MEIS2: variants seen among roughly 807,000 people sequenced by gnomAD.
MEIS2 encodes homeobox protein Meis2.
Under a neutral mutation model 58.6 loss-of-function variants are expected in MEIS2, and 9 were observed. The observed-to-expected ratio is 0.15, with a 90% confidence interval of 0.09 to 0.27. The LOEUF (loss-of-function observed/expected upper bound fraction) is 0.27, where lower values mean the gene tolerates loss of function less well. Among genes scored for constraint, MEIS2 ranks in the 10% least tolerant of loss-of-function variants. The pLI, the probability that MEIS2 is intolerant of heterozygous loss-of-function variation, is 1.00. For missense variants in MEIS2, 427 were observed against 635.0 expected, an observed-to-expected ratio of 0.67 and a Z score of 3.52; for synonymous variants, 221 against 228.4, an observed-to-expected ratio of 0.97 and a Z score of 0.29.
At chr15:37,062,714 A>G (rs1393938144) in intron 7 of MEIS2, among the ~76,000 whole-genome samples, 1 of 152,212 alleles carries the variant, frequency 6.6e-6, no homozygotes, top group African/African-American at 2.4e-5. Context: ...AAATTTACAT[A>G]TAAGGACCCC....
intron 9 of MEIS2, among the ~76,000 whole-genome samples, chr15:36,909,732 T>C (rs954676223): frequency 1.3e-4 from 19 of 151,814 alleles, no homozygotes; most frequent in Admixed American, 3.3e-4. Flanking sequence ...CTGGCTTTTC[T>C]AGGCTGGCAG....
chr15:36,974,698 G>A (rs911427918), intron 8 of MEIS2, among the ~76,000 whole-genome samples: 6 of 152,102 alleles, frequency 3.9e-5, no homozygotes, highest in African/African-American at 1.2e-4. Flanking sequence ...ATGGCATGAG[G>A]AACCAGCCAG....
At chr15:37,041,675 G>C (rs1296908336) in intron 7 of MEIS2, among the ~76,000 whole-genome samples, 1 of 152,130 alleles carries the variant, frequency 6.6e-6, no homozygotes, top group Non-Finnish European at 1.5e-5. Context: ...AATCAAGGAA[G>C]GACGTCGGCA....
Position 36,894,436 on chromosome 15 carries a change from C to T in MEIS2, c.1147+715G>A, listed in dbSNP as rs148811357. The T allele has an allele frequency of 3.3e-3, 689 of 209,894 alleles. 3 individuals carry two copies. Among genetic ancestry groups the T allele is most frequent in the African/African-American group, 0.015 (654 of 43,132 alleles). The allele number at this position is 209,894 out of a possible 1,614,324, so 13.0% of individuals were successfully genotyped here. On this transcript the variant is annotated intron_variant, in intron 11 of 11. Transcript: ENST00000561208. ...TTTATTCTTAAATGTCCAATATCTGCCTGATGTCTGTGTTTGTGCACATTG... is the reference window on the plus strand; with the variant it reads ...TTTATTCTTAAATGTCCAATATCTGTCTGATGTCTGTGTTTGTGCACATTG...
At chr15:36,931,154 T>G (rs996121491) in intron 9 of MEIS2, among the ~76,000 whole-genome samples, 2 of 152,158 alleles carry the variant, frequency 1.3e-5, no homozygotes, top group Non-Finnish European at 2.9e-5. Context: ...TTAAAGTAAT[T>G]GTCGTGAAGG....
chr15:36,955,413 C>G (rs2058923194), intron 8 of MEIS2, among the ~76,000 whole-genome samples: 1 of 152,070 alleles, frequency 6.6e-6, no homozygotes, highest in Non-Finnish European at 1.5e-5. Context: ...TTGTATTTCT[C>G]CCCCATTCTT....
rs1171682449 is a variant in MEIS2 at position 36,890,502 on chromosome 15, TTAAG to T, written c.*1667_*1670del. ...AATATAATTTATAAAATATTAATGA[TTAAG>T]TAATCTTTTAAAGTCAGAATTTCAA... On this transcript the variant is annotated 3_prime_UTR_variant, in exon 12 of 12. Coordinates refer to ENST00000561208, the MANE Select transcript of MEIS2 (RefSeq NM_170675.5). 6.6e-5 allele frequency: 10 copies of T among 152,286 alleles called. No individual in the cohort carries two copies. The highest frequency in any genetic ancestry group is 5.8e-4 in the East Asian group (3 of 5,184). The allele number at this position is 152,286 out of a possible 1,614,324, so 9.4% of individuals were successfully genotyped here.
At chr15:37,018,349 C>T (rs906683503) in intron 8 of MEIS2, among the ~76,000 whole-genome samples, 3 of 152,170 alleles carry the variant, frequency 2.0e-5, no homozygotes, top group African/African-American at 4.8e-5. Flanking sequence ...TAGGACCTTG[C>T]GCATGTGCTT....
In MEIS2 at chr15:36,997,736, C is replaced by A. The variant is rs549524087; in HGVS notation, c.900+39078G>T. Among the ~76,000 whole-genome samples the A allele has an allele frequency of 5.9e-5, 9 of 152,268 alleles. No individual in the cohort carries two copies. The South Asian group carries it at 1.7e-3, about 28-fold the overall frequency. On this transcript the variant is annotated intron_variant, in intron 8 of 11. Transcript: ENST00000561208. ...GACCTAGTGATCTGTCCGCTTTGGC[C>A]TCCCAAAGAGCTGGGATTACAGGCA...
chr15:37,068,416 T>C (rs1343561253), intron 7 of MEIS2, among the ~76,000 whole-genome samples: 1 of 152,150 alleles, frequency 6.6e-6, no homozygotes, highest in Non-Finnish European at 1.5e-5. Flanking sequence ...AGTGCTAACA[T>C]CCCTAATGAG....
intron 11 of MEIS2, among the ~76,000 whole-genome samples, chr15:36,893,033 T>C (rs2055964197): frequency 6.6e-6 from 1 of 152,192 alleles, no homozygotes; most frequent in Non-Finnish European, 1.5e-5. Flanking sequence ...ATTGTAAAGG[T>C]CAAAGGTAAG....
intron 8 of MEIS2, among the ~76,000 whole-genome samples, chr15:36,971,536 T>TAAAA (rs1567126001): frequency 0.14 from 9,053 of 65,246 alleles, 1,950 homozygotes; most frequent in Admixed American, 0.29. Flanking sequence ...CCTTGTTACA[T>TAAAA]TAAAAAAAAA....
At position 36,922,619 on chromosome 15, in the gene MEIS2, CTTTTTTT is replaced by C. The variant is rs59227539; in HGVS notation, c.978-25940_978-25934del. 8.7e-3 allele frequency among the ~76,000 whole-genome samples: 1,105 copies of C among 126,890 alleles called. 12 individuals carry two copies. Among genetic ancestry groups the C allele is most frequent in the African/African-American group, 0.031 (1,061 of 34,582 alleles). The allele number at this position is 126,890 out of a possible 152,430, so 83.2% of individuals were successfully genotyped here. A position where few individuals can be genotyped will look rare whatever the true frequency, so the allele number is the denominator to read the frequency against. Reference sequence around the variant, plus strand: ...GAAACCTCAGTAACTTTCTTTCTTTCTTTTTTTTTTTTTTTTTGTGATGGAGTTTTGC... The same window carrying C: ...GAAACCTCAGTAACTTTCTTTCTTTCTTTTTTTTTTGTGATGGAGTTTTGC... On this transcript the variant is annotated intron_variant, in intron 9 of 11. Coordinates refer to ENST00000561208, the MANE Select transcript of MEIS2 (RefSeq NM_170675.5).
At chr15:36,952,601 C>CTT (rs2058792065) in intron 8 of MEIS2, among the ~76,000 whole-genome samples, 1 of 46,402 alleles carries the variant, frequency 2.2e-5, no homozygotes, top group Admixed American at 2.4e-4. Flanking sequence ...CTGTCTGTCT[C>CTT]TCTCTCTGTG....
At chr15:37,093,269 C>T (rs969582531) in intron 6 of MEIS2, among the ~76,000 whole-genome samples, 16 of 152,188 alleles carry the variant, frequency 1.1e-4, no homozygotes, top group Non-Finnish European at 1.6e-4. Context: ...GCAGAAAACA[C>T]AGTGGTGACT....
At chr15:37,059,870 G>GTTT (rs1888958682) in intron 7 of MEIS2, among the ~76,000 whole-genome samples, 1 of 152,136 alleles carries the variant, frequency 6.6e-6, no homozygotes, top group Admixed American at 6.5e-5. Context: ...GCGCCTGGGA[G>GTTT]GTGGAGGTTG....
At chr15:37,024,138 T>G (rs1358564996) in intron 8 of MEIS2, among the ~76,000 whole-genome samples, 1 of 152,048 alleles carries the variant, frequency 6.6e-6, no homozygotes, top group Non-Finnish European at 1.5e-5. Flanking sequence ...TGTCAGGTGA[T>G]CCACCCGCCT....
At chr15:37,045,652 G>A (rs2062632252) in intron 7 of MEIS2, among the ~76,000 whole-genome samples, 1 of 152,154 alleles carries the variant, frequency 6.6e-6, no homozygotes, top group African/African-American at 2.4e-5. Flanking sequence ...CAGAAACACG[G>A]GGAGGATGAG....
chr15:37,069,160 C>T (rs1158612084), intron 7 of MEIS2, among the ~76,000 whole-genome samples: 1 of 152,024 alleles, frequency 6.6e-6, no homozygotes, highest in East Asian at 1.9e-4. Context: ...AGAGAGAAAA[C>T]TCTCATCCAT....
Sources: gnomAD v4.1 joint callset for allele counts (sites outside exome capture counted in the v4.1 genomes callset) on GRCh38, gnomAD v4.1.1 for gene constraint, MANE v1.5 for transcripts, NCBI Gene and HGNC (gene_info 2026-07-23, HGNC 2026-07-21) for gene names.